DCC: variants seen among roughly 807,000 people sequenced by gnomAD.
The protein encoded by DCC is DCC netrin 1 receptor.
In DCC, 58 loss-of-function variants were observed where a neutral mutation model predicts 172.5. That is an observed-to-expected ratio of 0.34 (90% CI 0.27 to 0.42). DCC has a LOEUF of 0.42. Ranked by LOEUF, DCC falls within the 10% of genes least tolerant of loss-of-function variation. The pLI is 1.00. For missense variants in DCC, 1,740 were observed against 1,791.0 expected (o/e 0.97, Z 0.51); for synonymous variants, 709 against 644.5 (o/e 1.10, Z -1.52).
chr18:53,029,382 A>G (rs1401213449), intron 5 of DCC, among the ~76,000 whole-genome samples: 2 of 152,196 alleles, frequency 1.3e-5, no homozygotes, highest in African/African-American at 2.4e-5. Flanking sequence ...ATGGCATACA[A>G]TAAATGTTTA....
chr18:52,834,326 C>T (rs1206335330), intron 2 of DCC, among the ~76,000 whole-genome samples: 1 of 152,202 alleles, frequency 6.6e-6, no homozygotes, highest in Non-Finnish European at 1.5e-5. Context: ...TGGTGATTCT[C>T]AAAATGTGGT....
At chr18:53,488,155 T>C (rs550194441) in intron 26 of DCC, among the ~76,000 whole-genome samples, 12 of 152,276 alleles carry the variant, frequency 7.9e-5, no homozygotes, top group African/African-American at 2.4e-4. Context: ...GAGGCTGAGG[T>C]GGGCAGATCA....
intron 13 of DCC, 126 bp downstream of exon 13, chr18:53,305,845 G>T: frequency 3.3e-6 from 3 of 916,356 alleles, no homozygotes; most frequent in Non-Finnish European, 3.6e-6. Context: ...ACATCTATTG[G>T]CTGGAACAAG....
At chr18:53,041,994 A>T (rs150411188) in intron 5 of DCC, among the ~76,000 whole-genome samples, 1 of 151,982 alleles carries the variant, frequency 6.6e-6, no homozygotes, top group East Asian at 1.9e-4. Flanking sequence ...TATACCCTTT[A>T]TTTCTTTTTC....
chr18:53,488,192 C>G (rs891977210), intron 26 of DCC, among the ~76,000 whole-genome samples: 6 of 152,136 alleles, frequency 3.9e-5, no homozygotes, highest in Non-Finnish European at 2.9e-5. Context: ...GGAGACAAGC[C>G]TGGCCAATAT....
intron 1 of DCC, among the ~76,000 whole-genome samples, chr18:52,520,552 C>T (rs188767252): frequency 3.9e-5 from 6 of 152,130 alleles, no homozygotes; most frequent in Non-Finnish European, 7.4e-5. Flanking sequence ...AAGAAATTTG[C>T]GGGGAGGCCT....
chr18:52,461,710 C>A (rs1598837315), intron 1 of DCC, among the ~76,000 whole-genome samples: 1 of 152,196 alleles, frequency 6.6e-6, no homozygotes, highest in African/African-American at 2.4e-5. Flanking sequence ...TTATGCAAAG[C>A]ATGACTGTAG....
At chr18:52,868,049 ATATATGTG>A (rs1426539093) in intron 2 of DCC, among the ~76,000 whole-genome samples, 13 of 106,470 alleles carry the variant, frequency 1.2e-4, no homozygotes, top group East Asian at 6.8e-4. Flanking sequence ...ATATATATAT[ATATATGTG>A]TGTGTGTGTG....
chr18:53,475,677 T>C (rs2045753535), intron 25 of DCC, among the ~76,000 whole-genome samples: 1 of 152,074 alleles, frequency 6.6e-6, no homozygotes, highest in Non-Finnish European at 1.5e-5. Flanking sequence ...GCTGCAGGGG[T>C]GGGGCTCTCA....
chr18:53,408,049 T>C (rs895372705), intron 19 of DCC, among the ~76,000 whole-genome samples: 1 of 152,174 alleles, frequency 6.6e-6, no homozygotes, highest in African/African-American at 2.4e-5. Flanking sequence ...CTCAAGATAT[T>C]CATATTTTCA....
At chr18:53,084,735 G>A (rs1599111545) in intron 7 of DCC, among the ~76,000 whole-genome samples, 1 of 152,152 alleles carries the variant, frequency 6.6e-6, no homozygotes, top group Non-Finnish European at 1.5e-5. Flanking sequence ...GAGGACATGC[G>A]AGACCTCTAA....
At chr18:53,167,856 T>C (rs950606790) in intron 8 of DCC, among the ~76,000 whole-genome samples, 2 of 152,048 alleles carry the variant, frequency 1.3e-5, no homozygotes, top group African/African-American at 4.8e-5. Flanking sequence ...GGGTACGAAG[T>C]TTCAGCTAAA....
chr18:52,808,701 C>A (rs1485379850), intron 2 of DCC, among the ~76,000 whole-genome samples: 1 of 152,162 alleles, frequency 6.6e-6, no homozygotes, highest in Non-Finnish European at 1.5e-5. Flanking sequence ...GTTGTACGGA[C>A]TCCTTGCTTT....
chr18:53,504,952 A>C (rs192687033), intron 27 of DCC, among the ~76,000 whole-genome samples: 3,422 of 152,224 alleles, frequency 0.022, 49 homozygotes, highest in Admixed American at 0.048. Flanking sequence ...AACTTTGAAG[A>C]TAGATAGATA....
chr18:53,047,235 G>GATATAT (rs70944616), intron 5 of DCC, among the ~76,000 whole-genome samples: 18 of 30,254 alleles, frequency 5.9e-4, no homozygotes, highest in South Asian at 1.1e-3. Flanking sequence ...CTGCAGGTAG[G>GATATAT]ATATATATAT....
intron 2 of DCC, among the ~76,000 whole-genome samples, chr18:52,886,613 G>A (rs771883687): frequency 5.3e-5 from 8 of 151,936 alleles, no homozygotes; most frequent in Non-Finnish European, 8.8e-5. Context: ...CTTTTTTCCT[G>A]TCTATTGGAG....
chr18:52,933,604 G>C (rs892965262), intron 5 of DCC, among the ~76,000 whole-genome samples: 1 of 152,022 alleles, frequency 6.6e-6, no homozygotes, highest in Non-Finnish European at 1.5e-5. Flanking sequence ...TGAGTATTTT[G>C]CTCATGTGGT....
intron 15 of DCC, among the ~76,000 whole-genome samples, chr18:53,362,711 A>C (rs72927272): frequency 0.092 from 13,948 of 152,158 alleles, 821 homozygotes; most frequent in East Asian, 0.21. Context: ...TGTGAAGACT[A>C]TACTTTTGTT....
At chr18:53,265,279 A>T (rs999080120) in intron 12 of DCC, among the ~76,000 whole-genome samples, 2 of 152,212 alleles carry the variant, frequency 1.3e-5, no homozygotes, top group African/African-American at 4.8e-5. Flanking sequence ...ACCTGGCTCA[A>T]TATTACTAAT....
Sources: allele counts gnomAD v4.1 joint callset (sites outside exome capture counted in the v4.1 genomes callset), GRCh38; gene constraint gnomAD v4.1.1; transcripts MANE v1.5; gene names NCBI Gene and HGNC (gene_info 2026-07-23, HGNC 2026-07-21).